The following MAGI1 variants were observed in gnomAD, a reference collection of about 807,000 sequenced individuals.
MAGI1 encodes membrane-associated guanylate kinase, WW and PDZ domain-containing protein 1.
MAGI1 carries 58 observed loss-of-function variants against 139.9 expected under a neutral mutation model. The ratio of observed to expected loss-of-function variants is 0.41; its 90% CI spans 0.34 to 0.52. The LOEUF (loss-of-function observed/expected upper bound fraction) is 0.52, where lower values mean the gene tolerates loss of function less well. Ranked by LOEUF, MAGI1 falls within the 20% of genes least tolerant of loss-of-function variation. The probability of loss-of-function intolerance (pLI) is 0.12; values close to 1 mark genes in which losing one functional copy is unlikely to be tolerated. For synonymous variants in MAGI1, 812 were observed against 737.9 expected (o/e 1.10, Z -1.63); for missense variants, 1,874 against 1,901.6 (o/e 0.99, Z 0.27).
rs1349158843 is a variant in MAGI1, at chr3:66,038,140, C to A, written c.169G>T (p.Gly57Cys). 1 of 1,612,022 alleles carries A rather than the reference C, an allele frequency of 6.2e-7. No individual in the cohort carries two copies. The highest frequency in any genetic ancestry group is 1.1e-5 in the South Asian group (1 of 90,990). ...CCCAGCCTCGGGCCCTCGCCGCCGC[C>A]GGGAAGCCCCGCTGCCTCGACCGCC... ...VAAVEAAGLP[G>C]GGEGPRLGEG... is the part of the protein sequence containing the mutation. Residue 57 changes from glycine to cysteine, a missense_variant, in exon 1 of 23, where the codon GGC becomes TGC. Gly to Cys is a radical substitution (Grantham distance 159). Transcript: ENST00000402939.
Position 65,356,930 on chromosome 3 carries a change from G to C in MAGI1, c.3837C>G (p.His1279Gln). The change falls in exon 23 of 23, where the codon CAC becomes CAG. Residue 1279 changes from histidine to glutamine, a missense_variant. Coordinates refer to ENST00000402939, the MANE Select transcript of MAGI1 (RefSeq NM_001033057.2). ...SREYSRQPNEHHTWNGTSRKP... is the reference protein window; with the variant it reads ...SREYSRQPNEQHTWNGTSRKP... ...TCCTCGAAGTCCCATTCCAGGTGTG[G>C]TGTTCATTGGGTTGTCTGCTATACT... is the stretch of plus-strand genomic sequence containing the variant. 6.2e-7 allele frequency: 1 copy of C among 1,614,170 alleles called. No homozygotes were observed. The highest frequency in any genetic ancestry group is 8.5e-7 in the Non-Finnish European group (1 of 1,180,014).
intron 1 of MAGI1, among the ~76,000 whole-genome samples, chr3:65,767,583 G>A (rs1387028822): frequency 6.6e-6 from 1 of 152,132 alleles, no homozygotes; most frequent in East Asian, 1.9e-4. Context: ...CTTCCCTCAA[G>A]AAAGAACTTC....
At chr3:65,625,801 G>C (rs542996979) in intron 1 of MAGI1, among the ~76,000 whole-genome samples, 1 of 152,294 alleles carries the variant, frequency 6.6e-6, no homozygotes, top group South Asian at 2.1e-4. Flanking sequence ...GACCTAAGGA[G>C]ATCTGGATGA....
chr3:65,974,878 G>C (rs926095343), intron 1 of MAGI1, among the ~76,000 whole-genome samples: 1 of 152,156 alleles, frequency 6.6e-6, no homozygotes, highest in Non-Finnish European at 1.5e-5. Flanking sequence ...TCACAGACCT[G>C]GGAACAGACT....
rs11336809 is a variant in MAGI1 at position 65,934,261 on chromosome 3, A to AT, written c.313+103734dup. ...TCTTTTTTTTTTAATATATTTTACC[A>AT]TTTTTTTTTTTTTAAGATAGGGAGA... On this transcript the variant is annotated intron_variant, in intron 1 of 22. Transcript: ENST00000402939. 5.4e-3 allele frequency among the ~76,000 whole-genome samples: 782 copies of AT among 145,882 alleles called. 3 individuals are homozygous for AT. The highest frequency in any genetic ancestry group is 6.1e-3 in the Non-Finnish European group (406 of 66,332).
At chr3:65,591,565 A>G (rs2106746954) in intron 2 of MAGI1, among the ~76,000 whole-genome samples, 1 of 152,184 alleles carries the variant, frequency 6.6e-6, no homozygotes, top group African/African-American at 2.4e-5. Flanking sequence ...GGCTTTGTGA[A>G]TGTTCATTGG....
intron 3 of MAGI1, among the ~76,000 whole-genome samples, chr3:65,479,895 C>T (rs1951150488): frequency 6.6e-6 from 1 of 151,998 alleles, no homozygotes; most frequent in Admixed American, 6.6e-5. Context: ...CAATAATATT[C>T]AGCGGCTACA....
intron 1 of MAGI1, among the ~76,000 whole-genome samples, chr3:65,912,162 C>G (rs1313535551): frequency 6.7e-6 from 1 of 149,496 alleles, no homozygotes; most frequent in East Asian, 2.0e-4. Flanking sequence ...TGAACCCAAT[C>G]TTGAAAGCTA....
At chr3:65,556,840 C>A (rs1186866532) in intron 2 of MAGI1, among the ~76,000 whole-genome samples, 1 of 152,170 alleles carries the variant, frequency 6.6e-6, no homozygotes, top group Non-Finnish European at 1.5e-5. Flanking sequence ...AAGGACATGT[C>A]TTTTTATGGT....
rs533065300 is a variant in MAGI1, at chr3:65,430,260, G to C, written c.1547-120C>G. 14 of 984,894 alleles carry C rather than the reference G, an allele frequency of 1.4e-5. No homozygotes were observed. In the Admixed American group the frequency reaches 2.7e-4, roughly 19 times the overall value. 61.0% of individuals were successfully genotyped at this position (984,894 alleles called of 1,614,324 possible). ...AACTGCATGTGGGTGTGATACTATA[G>C]GGTATAAAGTGCTTCTATTACTGAT... On this transcript the variant is annotated intron_variant, in intron 11 of 22. Transcript: ENST00000402939.
intron 1 of MAGI1, among the ~76,000 whole-genome samples, chr3:66,012,517 A>G (rs1171089444): frequency 2.0e-5 from 3 of 152,034 alleles, no homozygotes; most frequent in Admixed American, 2.0e-4. Context: ...AAAACAGACA[A>G]CCATTTGGGA....
At chr3:65,509,018 G>T (rs191154752) in intron 2 of MAGI1, among the ~76,000 whole-genome samples, 4 of 152,184 alleles carry the variant, frequency 2.6e-5, no homozygotes, top group African/African-American at 7.2e-5. Flanking sequence ...TGATCCTGGA[G>T]CTCTTACAAG....
intron 1 of MAGI1, among the ~76,000 whole-genome samples, chr3:65,797,816 T>C (rs2040244676): frequency 6.6e-6 from 1 of 152,096 alleles, no homozygotes; most frequent in African/African-American, 2.4e-5. Flanking sequence ...ACAGGAAAAA[T>C]AACACAGATT....
chr3:66,013,405 A>AT (rs1273880407), intron 1 of MAGI1, among the ~76,000 whole-genome samples: 3 of 119,316 alleles, frequency 2.5e-5, no homozygotes, highest in Admixed American at 9.4e-5. Flanking sequence ...TCTGTCTCAA[A>AT]TAAAAAAAAA....
intron 1 of MAGI1, among the ~76,000 whole-genome samples, chr3:65,731,197 C>A (rs1252201937): frequency 2.0e-5 from 3 of 152,032 alleles, no homozygotes; most frequent in African/African-American, 4.8e-5. Context: ...AGAGAGAAAC[C>A]CTGTCTTCAG....
chr3:65,575,957 C>G lies in MAGI1; in HGVS notation c.430+46015G>C, dbSNP rs530270532. On this transcript the variant is annotated intron_variant, in intron 2 of 22. Coordinates refer to ENST00000402939, the MANE Select transcript of MAGI1 (RefSeq NM_001033057.2). ...GGGCACAAGGACATTTTTGGGGGAGCTAATGTATGTTCGTTTTCTTAATTG... is the reference window on the plus strand; with the variant it reads ...GGGCACAAGGACATTTTTGGGGGAGGTAATGTATGTTCGTTTTCTTAATTG... Among the ~76,000 whole-genome samples the G allele has an allele frequency of 3.3e-5, 5 of 152,218 alleles. No individual in the cohort carries two copies. In the East Asian group the frequency reaches 9.7e-4, roughly 29 times the overall value.
chr3:65,665,945 G>A (rs1248407967), intron 1 of MAGI1, among the ~76,000 whole-genome samples: 2 of 152,112 alleles, frequency 1.3e-5, no homozygotes, highest in East Asian at 3.9e-4. Flanking sequence ...GTTACAGAGG[G>A]CTCATGCTGT....
chr3:65,429,825 G>C lies in MAGI1; in HGVS notation c.1862C>G (p.Ser621Cys), dbSNP rs1210777644. 15 of 1,613,894 alleles carry C rather than the reference G, an allele frequency of 9.3e-6. No homozygotes were observed. Among genetic ancestry groups the C allele is most frequent in the Admixed American group, 6.7e-5 (4 of 59,962 alleles). The change falls in exon 12 of 23, where the codon TCT becomes TGT. Residue 621 changes from serine (S) to cysteine (C), a missense_variant. Transcript: ENST00000402939. ...AACAGTGTCATTAGGATAACCATGAGAACTATTTGAAGCCACGTCCGCTGG... is the reference window on the plus strand; with the variant it reads ...AACAGTGTCATTAGGATAACCATGACAACTATTTGAAGCCACGTCCGCTGG... ...SSPADVASNS[S>C]HGYPNDTVSL...
At chr3:65,491,094 C>A (rs1277160213) in intron 3 of MAGI1, among the ~76,000 whole-genome samples, 1 of 152,046 alleles carries the variant, frequency 6.6e-6, no homozygotes, top group Non-Finnish European at 1.5e-5. Context: ...AGGAAGTTAG[C>A]TTCAAGTACT....
Sources: gnomAD v4.1 joint callset for allele counts (sites outside exome capture counted in the v4.1 genomes callset) on GRCh38, gnomAD v4.1.1 for gene constraint, MANE v1.5 for transcripts, NCBI Gene and HGNC (gene_info 2026-07-23, HGNC 2026-07-21) for gene names.